DOCK3: variants seen among roughly 807,000 people sequenced by gnomAD.
The protein encoded by DOCK3 is dedicator of cytokinesis protein 3.
Under a neutral mutation model 265.6 loss-of-function variants are expected in DOCK3, and 60 were observed. The ratio of observed to expected loss-of-function variants is 0.23; its 90% CI spans 0.18 to 0.28. The LOEUF (loss-of-function observed/expected upper bound fraction) is 0.28, where lower values mean the gene tolerates loss of function less well. DOCK3 is among the 10% of genes least tolerant of loss of function. The pLI is 1.00. For missense variants in DOCK3, 1,981 were observed against 2,594.3 expected (o/e 0.76, Z 5.14); for synonymous variants, 881 against 938.0 (o/e 0.94, Z 1.11).
At position 51,270,903 on chromosome 3, in the gene DOCK3, C is replaced by T. The variant is rs2080459903; in HGVS notation, c.2444C>T (p.Thr815Ile). Residue 815 changes from threonine (T) to isoleucine (I), a missense_variant, in exon 24 of 53, where the codon ACA becomes ATA. Thr to Ile is a moderately conservative substitution (Grantham distance 89). This residue lies in a region of DOCK3 where 1,357 missense variants were observed against 1,866.8 expected (regional missense o/e 0.73). Transcript: ENST00000266037. ...VQEVAEFVRG[T>I]LGSMPSTVHI... ...GAGGTGGCAGAGTTTGTGAGAGGGA[C>T]ACTGGGGAGCATGCCCAGCACTGTG... 2 of 1,613,908 alleles carry T rather than the reference C, an allele frequency of 1.2e-6. No individual in the cohort carries two copies. The highest frequency in any genetic ancestry group is 8.5e-7 in the Non-Finnish European group (1 of 1,179,916).
chr3:50,787,862 G>T (rs2042267041), intron 2 of DOCK3: 2 of 1,085,318 alleles, frequency 1.8e-6, no homozygotes, highest in Non-Finnish European at 2.8e-6. Flanking sequence ...TTTGGATTGA[G>T]AAGAGGTACC....
chr3:50,680,214 T>C (rs1469038577), intron 1 of DOCK3, among the ~76,000 whole-genome samples: 2 of 148,798 alleles, frequency 1.3e-5, no homozygotes, highest in Admixed American at 1.3e-4. Flanking sequence ...TCTTTTTCTT[T>C]CTTTTTTTTT....
At chr3:51,100,792 A>T (rs2083051232) in intron 9 of DOCK3, among the ~76,000 whole-genome samples, 2 of 151,130 alleles carry the variant, frequency 1.3e-5, no homozygotes, top group African/African-American at 2.5e-5. Flanking sequence ...GCTAAATTTA[A>T]TTTATCTTTT....
chr3:51,256,697 G>A (rs374300900), intron 22 of DOCK3, among the ~76,000 whole-genome samples: 5 of 150,916 alleles, frequency 3.3e-5, no homozygotes, highest in African/African-American at 1.2e-4. Context: ...GTGTTCAAGC[G>A]ATTCTCCTGT....
At chr3:50,899,163 G>A (rs1332544780) in intron 4 of DOCK3, among the ~76,000 whole-genome samples, 1 of 152,156 alleles carries the variant, frequency 6.6e-6, no homozygotes, top group Non-Finnish European at 1.5e-5. Context: ...GGGTGCTCCT[G>A]TATTGGGTGC....
chr3:50,927,938 AC>A (rs2050851616), intron 4 of DOCK3, among the ~76,000 whole-genome samples: 1 of 151,628 alleles, frequency 6.6e-6, no homozygotes, highest in South Asian at 2.1e-4. Flanking sequence ...GAGTTTTTCC[AC>A]CTCTCTCCCA....
At position 50,723,091 on chromosome 3, in the gene DOCK3, C is replaced by T. The variant is rs558836999; in HGVS notation, c.37+47791C>T. ...CCTGGCCTCAGATGGAGAATTTCAT[C>T]AGGGAAATGAAAACTGAAAAGAACC... On this transcript the variant is annotated intron_variant, in intron 1 of 52. Transcript: ENST00000266037. Among the ~76,000 whole-genome samples the T allele has an allele frequency of 2.6e-5, 4 of 152,182 alleles. 1 individual carries two copies. Among genetic ancestry groups the T allele is most frequent in the South Asian group, 4.1e-4 (2 of 4,830 alleles).
chr3:51,252,665 T>G (rs964845961), intron 22 of DOCK3, among the ~76,000 whole-genome samples: 1 of 152,214 alleles, frequency 6.6e-6, no homozygotes, highest in African/African-American at 2.4e-5. Context: ...TCTCTGTTTG[T>G]CTGTTATTGG....
At chr3:50,896,765 G>C (rs1171748541) in intron 4 of DOCK3, among the ~76,000 whole-genome samples, 1 of 152,100 alleles carries the variant, frequency 6.6e-6, no homozygotes, top group African/African-American at 2.4e-5. Context: ...CCCATTGCTT[G>C]TTTTTGTCAG....
chr3:51,252,221 A>G (rs1018718195), intron 22 of DOCK3, among the ~76,000 whole-genome samples: 3 of 152,120 alleles, frequency 2.0e-5, no homozygotes, highest in African/African-American at 4.8e-5. Context: ...ATTGGTCTGT[A>G]TCTCTGTTTT....
At chr3:51,074,260 C>T (rs750578778) in intron 6 of DOCK3, among the ~76,000 whole-genome samples, 2 of 152,110 alleles carry the variant, frequency 1.3e-5, no homozygotes, top group African/African-American at 4.8e-5. Context: ...CAAACTCATC[C>T]GTGTCATAAG....
chr3:51,246,831 A>G (rs770883575), intron 22 of DOCK3, 24 bp downstream of exon 22: 1 of 1,604,642 alleles, frequency 6.2e-7, no homozygotes, highest in Non-Finnish European at 8.5e-7. Flanking sequence ...CTCTCCATAC[A>G]TAAGAGACCC....
At chr3:51,072,408 A>C (rs1395717420) in intron 6 of DOCK3, among the ~76,000 whole-genome samples, 4 of 151,998 alleles carry the variant, frequency 2.6e-5, no homozygotes, top group African/African-American at 9.7e-5. Flanking sequence ...TGTTGTTTCT[A>C]ATACAATTTT....
intron 2 of DOCK3, among the ~76,000 whole-genome samples, chr3:50,840,522 A>G (rs2045772819): frequency 6.6e-6 from 1 of 152,010 alleles, no homozygotes; most frequent in Non-Finnish European, 1.5e-5. Flanking sequence ...AGTTGATTGT[A>G]TTTATGTGGG....
chr3:50,866,430 A>T (rs2047149145), intron 3 of DOCK3, among the ~76,000 whole-genome samples: 1 of 151,162 alleles, frequency 6.6e-6, no homozygotes. Context: ...GGTTGTGGTT[A>T]GCTGAGATCA....
chr3:51,069,028 T>G (rs566872911), intron 6 of DOCK3, among the ~76,000 whole-genome samples: 1 of 152,306 alleles, frequency 6.6e-6, no homozygotes, highest in South Asian at 2.1e-4. Context: ...ATTCAGACAT[T>G]AAACTTATGT....
intron 9 of DOCK3, among the ~76,000 whole-genome samples, chr3:51,120,739 A>G (rs1353168137): frequency 1.3e-5 from 2 of 152,134 alleles, no homozygotes; most frequent in Admixed American, 6.5e-5. Flanking sequence ...CCAAGTCCAA[A>G]CATCCTGGTG....
chr3:50,834,389 A>G (rs771785194), intron 2 of DOCK3, among the ~76,000 whole-genome samples: 2 of 152,202 alleles, frequency 1.3e-5, no homozygotes, highest in African/African-American at 2.4e-5. Flanking sequence ...ACAATTTTAC[A>G]TAACAAGTTA....
chr3:51,089,501 T>C (rs1257934156), intron 8 of DOCK3, among the ~76,000 whole-genome samples: 8 of 152,162 alleles, frequency 5.3e-5, no homozygotes, highest in Non-Finnish European at 1.0e-4. Context: ...GAAACTAAAA[T>C]GAATCAGTCT....
Sources: allele counts gnomAD v4.1 joint callset (sites outside exome capture counted in the v4.1 genomes callset), GRCh38; gene constraint gnomAD v4.1.1; regional missense constraint gnomAD v4.1.1; transcripts MANE v1.5; gene names NCBI Gene and HGNC (gene_info 2026-07-23, HGNC 2026-07-21).